Variants in PTPRD observed in about 807,000 individuals in gnomAD.
The protein encoded by PTPRD is protein tyrosine phosphatase receptor type D.
A neutral mutation model predicts 214.5 loss-of-function variants in PTPRD; 34 were observed. That is an observed-to-expected ratio of 0.16 (90% CI 0.12 to 0.21). PTPRD has a LOEUF of 0.21. Ranked by LOEUF, PTPRD falls within the 10% of genes least tolerant of loss-of-function variation. The pLI, the probability that PTPRD is intolerant of heterozygous loss-of-function variation, is 1.00. For missense variants in PTPRD, 2,545 were observed against 2,398.7 expected (o/e 1.06, Z -1.27); for synonymous variants, 1,128 against 845.7 (o/e 1.33, Z -5.79).
intron 14 of PTPRD, among the ~76,000 whole-genome samples, chr9:8,599,703 G>T (rs954717614): frequency 7.3e-6 from 1 of 137,486 alleles, no homozygotes; most frequent in Non-Finnish European, 1.5e-5. Context: ...TGCAACCTCC[G>T]CCTCCTGGGT....
At chr9:10,209,351 A>G (rs572322496) in intron 3 of PTPRD, among the ~76,000 whole-genome samples, 1 of 152,344 alleles carries the variant, frequency 6.6e-6, no homozygotes, top group East Asian at 1.9e-4. Context: ...GGCTTCTTAT[A>G]AGACACTCTG....
chr9:10,179,070 C>T (rs928233474), intron 3 of PTPRD, among the ~76,000 whole-genome samples: 3 of 151,616 alleles, frequency 2.0e-5, no homozygotes, highest in Admixed American at 1.3e-4. Context: ...AGATAAAATG[C>T]TAAATATTAA....
chr9:9,940,695 T>A (rs939273837), intron 4 of PTPRD, among the ~76,000 whole-genome samples: 1 of 152,112 alleles, frequency 6.6e-6, no homozygotes, highest in Non-Finnish European at 1.5e-5. Context: ...AACAAACACA[T>A]ATATGCTCCA....
intron 3 of PTPRD, among the ~76,000 whole-genome samples, chr9:10,056,053 TG>T (rs2097639265): frequency 6.6e-6 from 1 of 151,602 alleles, no homozygotes; most frequent in Non-Finnish European, 1.5e-5. Context: ...CCGGGCGCAG[TG>T]GCTCACACCT....
chr9:9,144,700 G>C (rs571757286), intron 10 of PTPRD, among the ~76,000 whole-genome samples: 47 of 151,954 alleles, frequency 3.1e-4, no homozygotes, highest in Non-Finnish European at 5.4e-4. Context: ...TTGCAGTGAC[G>C]TGAGATTGTA....
chr9:8,812,133 G>C (rs996081193), intron 11 of PTPRD, among the ~76,000 whole-genome samples: 3 of 152,108 alleles, frequency 2.0e-5, no homozygotes, highest in Admixed American at 6.5e-5. Context: ...GTACTCATTA[G>C]GGAAAGCTAA....
intron 14 of PTPRD, among the ~76,000 whole-genome samples, chr9:8,626,481 C>T (rs754177306): frequency 2.6e-5 from 4 of 151,802 alleles, no homozygotes; most frequent in African/African-American, 7.3e-5. Context: ...GTTAATTGTA[C>T]GTGTCACTTG....
chr9:9,330,505 A>T (rs551596181), intron 9 of PTPRD, among the ~76,000 whole-genome samples: 6 of 152,216 alleles, frequency 3.9e-5, no homozygotes, highest in African/African-American at 9.6e-5. Flanking sequence ...TTAAGAAAAA[A>T]ACTTGTATTT....
intron 11 of PTPRD, among the ~76,000 whole-genome samples, chr9:8,865,245 A>G (rs779516241): frequency 1.8e-4 from 27 of 152,228 alleles, no homozygotes; most frequent in Non-Finnish European, 3.5e-4. Context: ...TGCCAGTACA[A>G]CAAGAAACCA....
intron 11 of PTPRD, among the ~76,000 whole-genome samples, chr9:8,986,516 C>T (rs1469759862): frequency 6.7e-6 from 1 of 150,100 alleles, no homozygotes; most frequent in Non-Finnish European, 1.5e-5. Flanking sequence ...CTTTACTTTT[C>T]ATTCAACAGT....
At chr9:8,726,472 C>T (rs1197547880) in intron 12 of PTPRD, among the ~76,000 whole-genome samples, 2 of 146,998 alleles carry the variant, frequency 1.4e-5, no homozygotes, top group Non-Finnish European at 3.0e-5. Flanking sequence ...TGGCTAACGC[C>T]TATAATTCCA....
chr9:10,598,634 CATT>C (rs1591724638), intron 2 of PTPRD, among the ~76,000 whole-genome samples: 1 of 149,912 alleles, frequency 6.7e-6, no homozygotes, highest in Non-Finnish European at 1.5e-5. Flanking sequence ...TCTTCTTCCT[CATT>C]AGTGAATTAA....
At chr9:9,389,186 C>G (rs1007447679) in intron 9 of PTPRD, among the ~76,000 whole-genome samples, 1 of 152,104 alleles carries the variant, frequency 6.6e-6, no homozygotes, top group Non-Finnish European at 1.5e-5. Context: ...CAGCATACTG[C>G]TTAATGATTG....
chr9:9,803,657 T>C (rs1350527027), intron 5 of PTPRD: 2 of 152,016 alleles, frequency 1.3e-5, no homozygotes, highest in African/African-American at 4.8e-5. Flanking sequence ...ACCAATGATG[T>C]CTGTGAGGAG....
chr9:9,938,446 G>C (rs1192628093), intron 5 of PTPRD, 61 bp downstream of exon 5: 3 of 152,098 alleles, frequency 2.0e-5, no homozygotes, highest in Non-Finnish European at 4.4e-5. Flanking sequence ...GTAGATAGAA[G>C]TCCAAAAAAT....
At chr9:8,984,053 G>C (rs1254703545) in intron 11 of PTPRD, among the ~76,000 whole-genome samples, 1 of 151,906 alleles carries the variant, frequency 6.6e-6, no homozygotes, top group Non-Finnish European at 1.5e-5. Context: ...TTTAGTATGT[G>C]TGTTTTCTAC....
At chr9:9,916,836 A>G (rs557772198) in intron 5 of PTPRD, among the ~76,000 whole-genome samples, 1 of 152,064 alleles carries the variant, frequency 6.6e-6, no homozygotes, top group Non-Finnish European at 1.5e-5. Context: ...ACACCAAACA[A>G]GTTTAAATAT....
intron 31 of PTPRD, among the ~76,000 whole-genome samples, chr9:8,467,100 T>A (rs2096559839): frequency 6.6e-6 from 1 of 151,992 alleles, no homozygotes; most frequent in South Asian, 2.1e-4. Flanking sequence ...TTGGCCGACA[T>A]TATTTTTCAA....
At chr9:10,052,377 A>G (rs1038432685) in intron 3 of PTPRD, among the ~76,000 whole-genome samples, 3 of 152,160 alleles carry the variant, frequency 2.0e-5, no homozygotes, top group Admixed American at 2.0e-4. Context: ...GCAGCACAGG[A>G]GGGAGATGTG....
Sources: allele counts gnomAD v4.1 joint callset (sites outside exome capture counted in the v4.1 genomes callset), GRCh38; gene constraint gnomAD v4.1.1; transcripts MANE v1.5; gene names NCBI Gene and HGNC (gene_info 2026-07-23, HGNC 2026-07-21).